STON1: variants seen among roughly 807,000 people sequenced by gnomAD.
STON1 encodes the protein stonin 1.
Under a neutral mutation model 60.9 loss-of-function variants are expected in STON1, and 79 were observed. The observed-to-expected ratio is 1.30, with a 90% CI of 1.08 to 1.56. The LOEUF (loss-of-function observed/expected upper bound fraction) is 1.56. Among genes scored for constraint, STON1 ranks in the 40% most tolerant of loss-of-function variants. The probability of loss-of-function intolerance (pLI) is 0.00; values close to 1 mark genes in which losing one functional copy is unlikely to be tolerated. For synonymous variants in STON1, 363 were observed against 306.9 expected (o/e 1.18, Z -1.91); for missense variants, 1,166 against 858.9 (o/e 1.36, Z -4.47).
intron 3 of STON1, among the ~76,000 whole-genome samples, chr2:48,594,144 T>C (rs918101634): frequency 6.6e-6 from 1 of 152,160 alleles, no homozygotes; most frequent in African/African-American, 2.4e-5. Context: ...CCCCCATGAA[T>C]GTTGAACTCA....
chr2:48,591,689 A>T lies in STON1; in HGVS notation c.1967A>T (p.Glu656Val), dbSNP rs1344273209. The T allele has an allele frequency of 6.2e-7, 1 of 1,614,074 alleles. No homozygotes were observed. The highest frequency in any genetic ancestry group is 8.5e-7 in the Non-Finnish European group (1 of 1,180,022). ...CCCCATTGTCTGTCATACAAATTAG[A>T]GCTTGGATCAGACCAAGAAATTCCC... ...DHPHCLSYKL[E>V]LGSDQEIPSD... The change falls in exon 3 of 4, where the codon GAG (glutamate) becomes GTG (valine). Residue 656 changes from glutamate to valine, a missense_variant. Physicochemically the swap from Glu to Val is moderately radical, Grantham distance 121. Coordinates refer to ENST00000404752, the MANE Select transcript of STON1 (RefSeq NM_006873.4).
At chr2:48,568,773 T>C (rs991666867) in intron 1 of STON1, among the ~76,000 whole-genome samples, 1 of 152,142 alleles carries the variant, frequency 6.6e-6, no homozygotes, top group Non-Finnish European at 1.5e-5. Context: ...TTGGGGAAAA[T>C]TATCAGTCTG....
In STON1 at chr2:48,596,621, G is replaced by C. The variant is rs1434904264; in HGVS notation, c.*1319G>C. On this transcript the variant is annotated 3_prime_UTR_variant, in exon 4 of 4. Coordinates refer to ENST00000404752, the MANE Select transcript of STON1 (RefSeq NM_006873.4). Reference sequence around the variant, plus strand: ...TTTGTTTTGAGTCAAAACTGATTTAGTGTTCTTCCAAACAACATTTATGTG... The same window carrying C: ...TTTGTTTTGAGTCAAAACTGATTTACTGTTCTTCCAAACAACATTTATGTG... 1 of 151,962 alleles carries C rather than the reference G, an allele frequency of 6.6e-6. No homozygotes were observed. The highest frequency in any genetic ancestry group is 1.5e-5 in the Non-Finnish European group (1 of 67,980). The allele number at this position is 151,962 out of a possible 1,614,324, so 9.4% of individuals were successfully genotyped here.
chr2:48,582,057 C>A lies in STON1; in HGVS notation c.1424C>A (p.Ser475Ter), dbSNP rs1274471624. 3.8e-5 allele frequency: 61 copies of A among 1,613,294 alleles called. No homozygotes were observed. Among genetic ancestry groups the A allele is most frequent in the Middle Eastern group, 1.6e-4 (1 of 6,082 alleles). Reference protein sequence around the residue: ...KRDESYYEKDSEKKGIDILDY... With the variant: ...KRDESYYEKD ...GATGAATCCTATTATGAGAAGGACT[C>A]AGAAAAAAAGGGGATTGATATTCTT... Residue 475 changes from serine (S) to a stop codon, truncating the protein, a stop_gained, in exon 2 of 4, where the codon TCA (serine) becomes TAA (stop). Transcript: ENST00000404752. LOFTEE classifies it high-confidence loss of function.
At chr2:48,554,703 C>CA (rs1269289450) in intron 1 of STON1, among the ~76,000 whole-genome samples, 1 of 128,208 alleles carries the variant, frequency 7.8e-6, no homozygotes, top group Admixed American at 7.5e-5. Flanking sequence ...ACTTTAAGTG[C>CA]AAAATTTTTT....
At chr2:48,589,329 T>C (rs1271330334) in intron 2 of STON1, among the ~76,000 whole-genome samples, 1 of 152,230 alleles carries the variant, frequency 6.6e-6, no homozygotes, top group Non-Finnish European at 1.5e-5. Flanking sequence ...AAAGGAATTA[T>C]GTTGAGTGAA....
intron 3 of STON1, among the ~76,000 whole-genome samples, chr2:48,594,925 C>A (rs1674714702): frequency 6.6e-6 from 1 of 152,158 alleles, no homozygotes; most frequent in Admixed American, 6.5e-5. Flanking sequence ...CTAGTCAGAT[C>A]TGTAAATTTT....
At chr2:48,574,934 A>G (rs978729407) in intron 1 of STON1, among the ~76,000 whole-genome samples, 1 of 152,254 alleles carries the variant, frequency 6.6e-6, no homozygotes, top group African/African-American at 2.4e-5. Flanking sequence ...GTTATGAACG[A>G]TATGCACATT....
intron 1 of STON1, among the ~76,000 whole-genome samples, chr2:48,541,643 G>T (rs2103756199): frequency 7.2e-6 from 1 of 138,776 alleles, no homozygotes; most frequent in South Asian, 2.6e-4. Flanking sequence ...AGGTTATAGT[G>T]AGCCGAGATT....
chr2:48,575,655 AAAATAAAT>A (rs74495343), intron 1 of STON1, among the ~76,000 whole-genome samples: 6 of 148,784 alleles, frequency 4.0e-5, no homozygotes, highest in Non-Finnish European at 7.4e-5. Context: ...CTCCGTCTCA[AAAATAAAT>A]AAATAAATAA....
intron 2 of STON1, among the ~76,000 whole-genome samples, chr2:48,583,759 T>C (rs1402101554): frequency 6.6e-6 from 1 of 150,858 alleles, no homozygotes; most frequent in Non-Finnish European, 1.5e-5. Flanking sequence ...TTTTTCTTTT[T>C]TTTTTTTTTT....
rs1202993634 is a variant in STON1 at position 48,557,558 on chromosome 2, CG to C, written c.-47-23027del. Among the ~76,000 whole-genome samples the C allele has an allele frequency of 6.7e-4, 76 of 113,792 alleles. 10 individuals carry two copies. Among genetic ancestry groups the C allele is most frequent in the African/African-American group, 2.4e-3 (76 of 31,056 alleles). 74.7% of individuals were successfully genotyped at this position (113,792 alleles called of 152,430 possible). A position where few individuals can be genotyped will look rare whatever the true frequency, so the allele number is the denominator to read the frequency against. On this transcript the variant is annotated intron_variant, in intron 1 of 3. Transcript: ENST00000404752. Reference sequence around the variant, plus strand: ...GGCGGCCGGGCAGAGGCTGCAATCTCGGCACTTTGGGAGGCCAAGGCAGGCG... The same window carrying C: ...GGCGGCCGGGCAGAGGCTGCAATCTCGCACTTTGGGAGGCCAAGGCAGGCG...
chr2:48,561,930 A>C (rs1672630774), intron 1 of STON1, among the ~76,000 whole-genome samples: 1 of 152,134 alleles, frequency 6.6e-6, no homozygotes, highest in South Asian at 2.1e-4. Context: ...GTGCAATCTC[A>C]GCTCATTGCA....
At chr2:48,544,210 C>G (rs1206401402) in intron 1 of STON1, among the ~76,000 whole-genome samples, 1 of 151,734 alleles carries the variant, frequency 6.6e-6, no homozygotes, top group East Asian at 1.9e-4. Flanking sequence ...GTCTGTCTGT[C>G]TAGACCTCTG....
intron 1 of STON1, among the ~76,000 whole-genome samples, chr2:48,570,258 C>A (rs1020683483): frequency 1.3e-5 from 2 of 152,024 alleles, no homozygotes; most frequent in African/African-American, 4.8e-5. Flanking sequence ...TCACTTGAAC[C>A]CGGGAGGTAG....
intron 1 of STON1, among the ~76,000 whole-genome samples, chr2:48,557,971 C>T (rs901529896): frequency 6.6e-6 from 1 of 152,072 alleles, no homozygotes; most frequent in African/African-American, 2.4e-5. Flanking sequence ...GCCTGTAATC[C>T]CAGCACTTTG....
intron 1 of STON1, among the ~76,000 whole-genome samples, chr2:48,576,121 G>T (rs1352236216): frequency 6.7e-6 from 1 of 149,992 alleles, no homozygotes; most frequent in East Asian, 2.0e-4. Context: ...ACTTTACATT[G>T]CCAGCAACAA....
intron 1 of STON1, among the ~76,000 whole-genome samples, chr2:48,532,272 C>T (rs925826699): frequency 5.9e-5 from 9 of 151,810 alleles, no homozygotes; most frequent in Admixed American, 5.9e-4. Flanking sequence ...TCGTTTGAAC[C>T]TGGGAGGCGG....
intron 1 of STON1, among the ~76,000 whole-genome samples, chr2:48,558,037 A>C (rs1558594873): frequency 6.6e-6 from 1 of 152,190 alleles, no homozygotes; most frequent in Non-Finnish European, 1.5e-5. Context: ...AGCATGACCA[A>C]TATGGAGAAA....
Sources: gnomAD v4.1 joint callset for allele counts (sites outside exome capture counted in the v4.1 genomes callset) on GRCh38, gnomAD v4.1.1 for gene constraint, MANE v1.5 for transcripts, NCBI Gene and HGNC (gene_info 2026-07-23, HGNC 2026-07-21) for gene names.